The following P4HA2 variants were observed in gnomAD, a reference collection of about 807,000 sequenced individuals.
The protein encoded by P4HA2 is prolyl 4-hydroxylase subunit alpha-2.
P4HA2 carries 46 observed loss-of-function variants against 76.9 expected under a neutral mutation model. The ratio of observed to expected loss-of-function variants is 0.60; its 90% CI spans 0.47 to 0.76. The LOEUF is 0.76. Ranked by LOEUF, P4HA2 falls within the 30% of genes least tolerant of loss-of-function variation. The pLI is 0.00. For synonymous variants in P4HA2, 243 were observed against 254.0 expected, an observed-to-expected ratio of 0.96 and a Z score of 0.41; for missense variants, 583 against 669.4, an observed-to-expected ratio of 0.87 and a Z score of 1.42.
chr5:132,194,683 A>G (rs369040466), intron 14 of P4HA2, among the ~76,000 whole-genome samples: 1 of 152,346 alleles, frequency 6.6e-6, no homozygotes, highest in African/African-American at 2.4e-5. Context: ...TTATGCAGCT[A>G]TTCGTCCTCA....
chr5:132,210,419 C>T lies in P4HA2; in HGVS notation c.574G>A (p.Val192Met), dbSNP rs755268489. Reference sequence around the variant, plus strand: ...TCCCCGGCATCAAGCTGCTTTAGCACCTGCTCCATCCACAACACCGTATGA... The same window carrying T: ...TCCCCGGCATCAAGCTGCTTTAGCATCTGCTCCATCCACAACACCGTATGA... ...YYHTVLWMEQ[V>M]LKQLDAGEEA... The change falls in exon 6 of 15, where the codon GTG (valine) becomes ATG (methionine). Residue 192 changes from valine to methionine, a missense_variant. Transcript: ENST00000360568. 1.9e-6 allele frequency: 3 copies of T among 1,614,156 alleles called. No individual in the cohort carries two copies. The South Asian group carries it at 3.3e-5, about 18-fold the overall frequency.
At chr5:132,213,575 T>C (rs891232073) in intron 5 of P4HA2, among the ~76,000 whole-genome samples, 11 of 152,096 alleles carry the variant, frequency 7.2e-5, no homozygotes, top group African/African-American at 2.7e-4. Context: ...AGATCAGCCT[T>C]AGATGAAAAG....
chr5:132,209,313 G>A lies in P4HA2; in HGVS notation c.728C>T (p.Ala243Val), dbSNP rs757687448. ...CTCAAAGTACCGCAGATTCCCTCCA[G>A]CTCGTTCGTGGCTTGGGTCTAGAAA... Reference protein sequence around the residue: ...LLSLDPSHERAGGNLRYFEQL... With the variant: ...LLSLDPSHERVGGNLRYFEQL... Residue 243 changes from alanine (A) to valine (V), a missense_variant, in exon 7 of 15, where the codon GCT (alanine) becomes GTT (valine). Ala to Val is a moderately conservative substitution (Grantham distance 64). Coordinates refer to ENST00000360568, the MANE Select transcript of P4HA2 (RefSeq NM_001017974.2). The A allele has an allele frequency of 1.4e-5, 23 of 1,613,846 alleles. No individual in the cohort carries two copies. In the Admixed American group the frequency reaches 2.8e-4, roughly 20 times the overall value.
chr5:132,225,331 C>A (rs140663748), intron 1 of P4HA2, among the ~76,000 whole-genome samples: 114 of 152,310 alleles, frequency 7.5e-4, no homozygotes, highest in Non-Finnish European at 1.3e-3. Context: ...GAGCCAGGGA[C>A]ACACCTCCTA....
chr5:132,198,822 C>A, intron 11 of P4HA2, 57 bp downstream of exon 11: 1 of 1,216,264 alleles, frequency 8.2e-7, no homozygotes, highest in African/African-American at 1.5e-5. Flanking sequence ...GAAGCTCCAC[C>A]CTTCTCAAAT....
rs966679320 is a variant in P4HA2, at chr5:132,191,316, T to C, written c.*1694A>G. 6.6e-6 allele frequency among the ~76,000 whole-genome samples: 1 copy of C among 150,448 alleles called. No individual in the cohort carries two copies. The highest frequency in any genetic ancestry group is 1.5e-5 in the Non-Finnish European group (1 of 67,122). ...TCACGAGGTCAGGAGATCGAGACCA[T>C]CCCGGCTAAAACGGTGAAACCCCGT... On this transcript the variant is annotated 3_prime_UTR_variant, in exon 15 of 15. Coordinates refer to ENST00000360568, the MANE Select transcript of P4HA2 (RefSeq NM_001017974.2).
At chr5:132,225,976 C>T (rs953992799) in intron 1 of P4HA2, among the ~76,000 whole-genome samples, 26 of 152,218 alleles carry the variant, frequency 1.7e-4, no homozygotes, top group Admixed American at 1.6e-3. Flanking sequence ...AGTGGACACT[C>T]GGCTGTGTAA....
At chr5:132,219,206 C>T (rs1754315110) in intron 1 of P4HA2, among the ~76,000 whole-genome samples, 1 of 152,140 alleles carries the variant, frequency 6.6e-6, no homozygotes, top group Non-Finnish European at 1.5e-5. Flanking sequence ...TAAAACTAAC[C>T]CTTGTCAGTC....
At chr5:132,215,290 C>G (rs1285555682) in intron 4 of P4HA2, among the ~76,000 whole-genome samples, 1 of 152,232 alleles carries the variant, frequency 6.6e-6, no homozygotes, top group Non-Finnish European at 1.5e-5. Context: ...TGAAAACAAC[C>G]AATTATTCTC....
intron 11 of P4HA2, among the ~76,000 whole-genome samples, 165 bp from the exon 12 acceptor site, chr5:132,198,545 G>C (rs1751025326): frequency 6.6e-6 from 1 of 152,230 alleles, no homozygotes; most frequent in Non-Finnish European, 1.5e-5. Flanking sequence ...GCATGGAGTA[G>C]ACGGGGAAGA....
At chr5:132,212,579 C>G (rs1753238044) in intron 5 of P4HA2, among the ~76,000 whole-genome samples, 1 of 152,086 alleles carries the variant, frequency 6.6e-6, no homozygotes, top group Non-Finnish European at 1.5e-5. Context: ...TTCGAGAAGT[C>G]CATGGGACAT....
chr5:132,193,601 G>A (rs1750163501), intron 14 of P4HA2: 1 of 152,250 alleles, frequency 6.6e-6, no homozygotes, highest in African/African-American at 2.4e-5. Flanking sequence ...ATATTACTGG[G>A]AGGTGGCAGG....
chr5:132,217,735 T>C lies in P4HA2; in HGVS notation c.179+17A>G, dbSNP rs201876765. 1.4e-6 allele frequency: 2 copies of C among 1,470,766 alleles called. No individual in the cohort carries two copies. Among genetic ancestry groups the C allele is most frequent in the African/African-American group, 1.4e-5 (1 of 72,276 alleles). The allele number at this position is 1,470,766 out of a possible 1,614,324, so 91.1% of individuals were successfully genotyped here. A position where few individuals can be genotyped will look rare whatever the true frequency, so the allele number is the denominator to read the frequency against. On this transcript the variant is annotated intron_variant, in intron 3 of 14. Transcript: ENST00000360568. ...GGGAAGGAAGGCCAACTAAGGATGG[T>C]TGGGGACTTAGGACACCTCTTAATC...
At chr5:132,223,842 G>A (rs974942082) in intron 1 of P4HA2, among the ~76,000 whole-genome samples, 1 of 152,182 alleles carries the variant, frequency 6.6e-6, no homozygotes, top group African/African-American at 2.4e-5. Flanking sequence ...GCAAATCAAT[G>A]ACAGAACCAA....
intron 12 of P4HA2, among the ~76,000 whole-genome samples, chr5:132,197,304 C>T (rs922937336): frequency 6.6e-6 from 1 of 152,092 alleles, no homozygotes; most frequent in East Asian, 1.9e-4. Flanking sequence ...TAGCACTGGG[C>T]CCATCAAAAA....
intron 1 of P4HA2, among the ~76,000 whole-genome samples, chr5:132,226,470 CTTTT>C (rs1755411007): frequency 6.6e-6 from 1 of 151,966 alleles, no homozygotes; most frequent in Non-Finnish European, 1.5e-5. Flanking sequence ...CACCATCTCT[CTTTT>C]TTATTTTTTT....
At chr5:132,221,030 C>T (rs912609574) in intron 1 of P4HA2, among the ~76,000 whole-genome samples, 1 of 152,206 alleles carries the variant, frequency 6.6e-6, no homozygotes, top group East Asian at 1.9e-4. Flanking sequence ...ACTCAAAAGG[C>T]TCTGTACAAA....
chr5:132,221,318 G>T lies in P4HA2; in HGVS notation c.-18-2674C>A, dbSNP rs149888082. ...GAAAAACAAAGTGACATCTTGAGCA[G>T]AAAACCAATACTGAGTTTTATCTGT... On this transcript the variant is annotated intron_variant, in intron 1 of 14. Coordinates refer to ENST00000360568, the MANE Select transcript of P4HA2 (RefSeq NM_001017974.2). Among the ~76,000 whole-genome samples the T allele has an allele frequency of 1.6e-4, 24 of 152,340 alleles. No homozygotes were observed. The East Asian group carries it at 4.4e-3, about 28-fold the overall frequency.
intron 1 of P4HA2, among the ~76,000 whole-genome samples, chr5:132,224,521 G>C (rs1313932258): frequency 2.0e-5 from 3 of 152,214 alleles, no homozygotes; most frequent in African/African-American, 7.2e-5. Flanking sequence ...GTCCAGACTA[G>C]GGAACAGTGA....
Sources: allele counts gnomAD v4.1 joint callset (sites outside exome capture counted in the v4.1 genomes callset), GRCh38; gene constraint gnomAD v4.1.1; transcripts MANE v1.5; gene names NCBI Gene and HGNC (gene_info 2026-07-23, HGNC 2026-07-21).